The following CNTNAP2 variants were observed in gnomAD, a reference collection of about 807,000 sequenced individuals.
CNTNAP2 encodes contactin associated protein 2.
A neutral mutation model predicts 155.2 loss-of-function variants in CNTNAP2; 98 were observed. The observed-to-expected ratio is 0.63, with a 90% CI of 0.54 to 0.75. The LOEUF is 0.75. CNTNAP2 is among the 30% of genes least tolerant of loss of function. The pLI is 0.00. For synonymous variants in CNTNAP2, 651 were observed against 631.2 expected (o/e 1.03, Z -0.47); for missense variants, 1,727 against 1,688.1 (o/e 1.02, Z -0.40).
At chr7:148,070,039 C>T (rs1446218047) in intron 15 of CNTNAP2, among the ~76,000 whole-genome samples, 1 of 152,106 alleles carries the variant, frequency 6.6e-6, no homozygotes, top group African/African-American at 2.4e-5. Flanking sequence ...AAGCAAATTC[C>T]CCAAGATCCC....
chr7:148,402,229 G>A (rs184715438), intron 22 of CNTNAP2, among the ~76,000 whole-genome samples: 5 of 152,278 alleles, frequency 3.3e-5, no homozygotes, highest in Non-Finnish European at 7.3e-5. Context: ...TTAAGAAGCT[G>A]GAAATGTAAA....
At chr7:146,176,916 T>C (rs1396847189) in intron 1 of CNTNAP2, among the ~76,000 whole-genome samples, 1 of 152,182 alleles carries the variant, frequency 6.6e-6, no homozygotes, top group Non-Finnish European at 1.5e-5. Context: ...AGTGGCTTCA[T>C]GCCTTCAGAA....
chr7:147,678,599 G>A (rs1008821473), intron 13 of CNTNAP2, among the ~76,000 whole-genome samples: 1 of 151,810 alleles, frequency 6.6e-6, no homozygotes, highest in African/African-American at 2.4e-5. Context: ...ATAACAGCAA[G>A]GGGATTCATT....
At chr7:147,877,165 G>A (rs1585005766) in intron 13 of CNTNAP2, among the ~76,000 whole-genome samples, 1 of 152,158 alleles carries the variant, frequency 6.6e-6, no homozygotes, top group East Asian at 1.9e-4. Flanking sequence ...CCATGATCAT[G>A]GAGTGAACCT....
intron 3 of CNTNAP2, among the ~76,000 whole-genome samples, chr7:147,034,187 C>T (rs1352532905): frequency 6.6e-6 from 1 of 152,214 alleles, no homozygotes; most frequent in Admixed American, 6.5e-5. Context: ...TGTCTTGGTG[C>T]TGGCAGGAGT....
chr7:146,840,879 T>C (rs1803708671), intron 3 of CNTNAP2, among the ~76,000 whole-genome samples: 1 of 152,234 alleles, frequency 6.6e-6, no homozygotes, highest in African/African-American at 2.4e-5. Flanking sequence ...AAAAAATGTG[T>C]CTACTTAAGT....
chr7:146,974,180 A>C (rs923446246), intron 3 of CNTNAP2, among the ~76,000 whole-genome samples: 5 of 152,112 alleles, frequency 3.3e-5, no homozygotes, highest in African/African-American at 9.7e-5. Flanking sequence ...ACTATCACTA[A>C]AAATCAGTTA....
intron 9 of CNTNAP2, among the ~76,000 whole-genome samples, chr7:147,340,601 C>T (rs1375871186): frequency 1.3e-5 from 2 of 152,102 alleles, no homozygotes; most frequent in Non-Finnish European, 2.9e-5. Context: ...CCTTGTCAAC[C>T]TCTAGCCATT....
intron 8 of CNTNAP2, among the ~76,000 whole-genome samples, chr7:147,272,270 T>C (rs190630935): frequency 2.2e-4 from 34 of 152,298 alleles, no homozygotes; most frequent in Non-Finnish European, 4.3e-4. Flanking sequence ...TCCTCTCTTC[T>C]GACACCTTCC....
intron 12 of CNTNAP2, among the ~76,000 whole-genome samples, chr7:147,617,310 T>C (rs1410552927): frequency 1.3e-5 from 2 of 152,176 alleles, no homozygotes; most frequent in African/African-American, 4.8e-5. Flanking sequence ...TTAAGCTTAA[T>C]GTCCTCTAAC....
intron 1 of CNTNAP2, among the ~76,000 whole-genome samples, chr7:146,258,976 G>C (rs1799880461): frequency 6.6e-6 from 1 of 152,142 alleles, no homozygotes; most frequent in Admixed American, 6.5e-5. Flanking sequence ...TTGAGGGAGA[G>C]ACCTGGTGGG....
At chr7:147,247,480 A>G (rs755569159) in intron 8 of CNTNAP2, among the ~76,000 whole-genome samples, 3 of 152,150 alleles carry the variant, frequency 2.0e-5, no homozygotes, top group Non-Finnish European at 4.4e-5. Flanking sequence ...TTCTTTTCTC[A>G]TTTGAAAACA....
chr7:148,031,899 C>T (rs937342532), intron 15 of CNTNAP2, among the ~76,000 whole-genome samples: 1 of 152,130 alleles, frequency 6.6e-6, no homozygotes, highest in Admixed American at 6.5e-5. Context: ...ATTCTCATTC[C>T]CTAAGGCTAT....
intron 1 of CNTNAP2, among the ~76,000 whole-genome samples, chr7:146,136,886 C>A (rs557294796): frequency 2.6e-5 from 4 of 152,226 alleles, no homozygotes; most frequent in African/African-American, 9.6e-5. Context: ...TGCCATTGTT[C>A]GTGGTGAATT....
rs766777011 is a variant in CNTNAP2 at position 148,229,660 on chromosome 7, C to T, written c.3262C>T (p.Arg1088Ter). 3.7e-6 allele frequency: 6 copies of T among 1,613,950 alleles called. No individual in the cohort carries two copies. Among genetic ancestry groups the T allele is most frequent in the African/African-American group, 2.7e-5 (2 of 74,894 alleles). The part of the protein sequence containing the change: ...LVKPTGSLQI[R>*]YNLGGTREPY... ...TTCTTCTATAGGAAGCTTACAGATT[C>T]GATACAACCTGGGTGGCACCCGAGA... The change falls in exon 20 of 24, where the codon CGA becomes TGA. Residue 1088 changes from arginine to a stop codon, truncating the protein, a stop_gained. Transcript: ENST00000361727. LOFTEE classifies it high-confidence loss of function.
intron 9 of CNTNAP2, among the ~76,000 whole-genome samples, chr7:147,389,355 C>T (rs1233724887): frequency 1.3e-5 from 2 of 152,140 alleles, no homozygotes; most frequent in Non-Finnish European, 2.9e-5. Context: ...CAGAGAGAAG[C>T]TTTATATGCA....
chr7:148,261,564 G>A (rs1407755506), intron 20 of CNTNAP2, among the ~76,000 whole-genome samples: 1 of 152,218 alleles, frequency 6.6e-6, no homozygotes, highest in Non-Finnish European at 1.5e-5. Context: ...GCTGGAGAAG[G>A]TGTGTCTGCC....
chr7:146,562,611 T>C (rs1798297063), intron 1 of CNTNAP2, among the ~76,000 whole-genome samples: 1 of 152,178 alleles, frequency 6.6e-6, no homozygotes, highest in Non-Finnish European at 1.5e-5. Flanking sequence ...TAATGGCAAC[T>C]ATGATTTAAA....
intron 10 of CNTNAP2, among the ~76,000 whole-genome samples, chr7:147,449,912 A>T (rs982905549): frequency 6.6e-6 from 1 of 152,182 alleles, no homozygotes; most frequent in Non-Finnish European, 1.5e-5. Context: ...CTCTATGTCC[A>T]ATTGATTTCC....
Sources: allele counts gnomAD v4.1 joint callset (sites outside exome capture counted in the v4.1 genomes callset), GRCh38; gene constraint gnomAD v4.1.1; transcripts MANE v1.5; gene names NCBI Gene and HGNC (gene_info 2026-07-23, HGNC 2026-07-21).